DDAH1: variants seen among roughly 807,000 people sequenced by gnomAD.
The protein encoded by DDAH1 is N(G),N(G)-dimethylarginine dimethylaminohydrolase 1.
DDAH1 carries 19 observed loss-of-function variants against 28.8 expected under a neutral mutation model. The observed-to-expected ratio is 0.66, with a 90% CI of 0.46 to 0.97. The LOEUF is 0.97. DDAH1 is among the 50% of genes least tolerant of loss of function. The pLI, the probability that DDAH1 is intolerant of heterozygous loss-of-function variation, is 0.00. For missense variants in DDAH1, 326 were observed against 375.9 expected (o/e 0.87, Z 1.10); for synonymous variants, 153 against 154.4 (o/e 0.99, Z 0.07).
At chr1:85,509,923 T>C (rs758903342) in intron 1 of DDAH1, among the ~76,000 whole-genome samples, 3 of 152,130 alleles carry the variant, frequency 2.0e-5, no homozygotes, top group Admixed American at 6.5e-5. Flanking sequence ...CTTCAGGATA[T>C]TAACCAGGAG....
chr1:85,488,174 ACT>A (rs1355995712), intron 2 of DDAH1: 2 of 151,962 alleles, frequency 1.3e-5, no homozygotes, highest in African/African-American at 4.8e-5. Context: ...ACAGAACAAG[ACT>A]CTGTCTCAAA....
chr1:85,465,654 A>C (rs1655351848), upstream of DDAH1, among the ~76,000 whole-genome samples: 1 of 152,170 alleles, frequency 6.6e-6, no homozygotes, highest in South Asian at 2.1e-4. Flanking sequence ...TACCTAAAGT[A>C]CAAGTTTTTC....
chr1:85,503,101 A>G (rs1656878654), intron 1 of DDAH1, among the ~76,000 whole-genome samples: 2 of 152,154 alleles, frequency 1.3e-5, no homozygotes, highest in Admixed American at 1.3e-4. Context: ...AAAAAACCCC[A>G]ACAACCAAAT....
intron 3 of DDAH1, 78 bp downstream of exon 3, chr1:85,351,428 C>G: frequency 2.6e-6 from 3 of 1,140,438 alleles, no homozygotes; most frequent in Non-Finnish European, 4.0e-6. Context: ...CACCATTACT[C>G]ATGACATTGA....
intron 2 of DDAH1, among the ~76,000 whole-genome samples, chr1:85,353,397 T>G (rs1220367982): frequency 6.6e-6 from 1 of 152,132 alleles, no homozygotes; most frequent in Non-Finnish European, 1.5e-5. Flanking sequence ...TTATAAATAT[T>G]ATAACTTTAA....
intron 1 of DDAH1, 112 bp from the exon 2 acceptor site, chr1:85,358,959 CCACACTCATATA>C (rs1649638407): frequency 5.8e-6 from 4 of 689,124 alleles, no homozygotes; most frequent in Non-Finnish European, 1.0e-5. Context: ...CCACACACAT[CCACACTCATATA>C]CACACCCATC....
rs544511206 is a variant in DDAH1 at position 85,527,085 on chromosome 1, T to C, written c.-122-30804A>G. ...AAGACTTTGCTAAGGAGAACTTTGT[T>C]TAAATGTCTCTTTCCAAAGCAAATA... On this transcript the variant is annotated intron_variant, in intron 1 of 6. Coordinates refer to the DDAH1 transcript ENST00000426972. 1.9e-4 allele frequency among the ~76,000 whole-genome samples: 29 copies of C among 152,306 alleles called. 1 individual carries two copies. The South Asian group carries it at 5.6e-3, about 29-fold the overall frequency.
At chr1:85,407,897 TC>T (rs1557593459) in intron 1 of DDAH1, among the ~76,000 whole-genome samples, 1 of 152,200 alleles carries the variant, frequency 6.6e-6, no homozygotes, top group Non-Finnish European at 1.5e-5. Flanking sequence ...GTTACATCTA[TC>T]ATTTGTCTCC....
chr1:85,379,542 C>T, intron 1 of DDAH1: 10 of 970,702 alleles, frequency 1.0e-5, no homozygotes, highest in Non-Finnish European at 1.2e-5. Context: ...TTACCTTTAC[C>T]ATTTCTACAG....
At chr1:85,458,846 T>C (rs1655011322) in intron 1 of DDAH1, among the ~76,000 whole-genome samples, 1 of 152,150 alleles carries the variant, frequency 6.6e-6, no homozygotes, top group Non-Finnish European at 1.5e-5. Context: ...GAAACTTTTT[T>C]CTCTCTTATT....
At position 85,321,434 on chromosome 1, in the gene DDAH1, C is replaced by T. The variant is rs376128434; in HGVS notation, c.*18G>A. On this transcript the variant is annotated 3_prime_UTR_variant, in exon 6 of 6. Transcript: ENST00000284031. ...TTGCCTGTGCGGTCTTGCCGGCTAC[C>T]GGGGGGGACTCTGCAGCTCAGGAGT... 16 of 1,570,236 alleles carry T rather than the reference C, an allele frequency of 1.0e-5. No individual in the cohort carries two copies. Among genetic ancestry groups the T allele is most frequent in the African/African-American group, 5.4e-5 (4 of 74,016 alleles).
In DDAH1 at chr1:85,343,545, A is replaced by AATT. The variant is rs558261513; in HGVS notation, c.597+6867_597+6869dup. ...ATACAACAGCCAGATAGTAAGACAA[A>AATT]ATTAAACCTACAATGGGATTGTCAG... On this transcript the variant is annotated intron_variant, in intron 4 of 5. Coordinates refer to ENST00000284031, the MANE Select transcript of DDAH1 (RefSeq NM_012137.4). 4.6e-5 allele frequency among the ~76,000 whole-genome samples: 7 copies of AATT among 152,372 alleles called. No homozygotes were observed. In the South Asian group the frequency reaches 1.4e-3, roughly 32 times the overall value.
intron 1 of DDAH1, among the ~76,000 whole-genome samples, chr1:85,385,730 A>G (rs1030944157): frequency 5.9e-5 from 9 of 152,186 alleles, no homozygotes; most frequent in Non-Finnish European, 1.0e-4. Flanking sequence ...GCCTTAGTGC[A>G]TTTGCATTGT....
intron 1 of DDAH1, among the ~76,000 whole-genome samples, chr1:85,441,278 C>G (rs1487708137): frequency 3.3e-5 from 5 of 152,042 alleles, no homozygotes; most frequent in African/African-American, 1.2e-4. Context: ...TGTGGTGGCT[C>G]ACGCCTGTAA....
chr1:85,388,335 A>C (rs1651380061), intron 1 of DDAH1, among the ~76,000 whole-genome samples: 1 of 152,328 alleles, frequency 6.6e-6, no homozygotes, highest in East Asian at 1.9e-4. Context: ...CATTACTACT[A>C]TTGTTAAGAA....
chr1:85,324,800 G>C lies in DDAH1; in HGVS notation c.681C>G (p.Ile227Met), dbSNP rs141540525. Residue 227 changes from isoleucine to methionine, a missense_variant, in exon 5 of 6, where the codon ATC becomes ATG. Physicochemically the swap from Ile to Met is conservative, Grantham distance 10. Coordinates refer to ENST00000284031, the MANE Select transcript of DDAH1 (RefSeq NM_012137.4). ...GCAGCAAGACGTGCCCTTTGTTGGG[G>C]ATATTTAGATATATACAGTTTGCTG... is the stretch of plus-strand genomic sequence containing the variant. ...DIAANCIYLN[I>M]PNKGHVLLHR... The C allele has an allele frequency of 1.2e-6, 2 of 1,614,084 alleles. No homozygotes were observed. Among genetic ancestry groups the C allele is most frequent in the African/African-American group, 1.3e-5 (1 of 75,000 alleles).
At chr1:85,350,344 C>T in intron 4 of DDAH1, 71 bp downstream of exon 4, 1 of 1,565,964 alleles carries the variant, frequency 6.4e-7, no homozygotes. Context: ...ACTCCCCCAG[C>T]AGAGAGAATG....
chr1:85,414,287 G>C (rs1652788185), intron 1 of DDAH1, among the ~76,000 whole-genome samples: 1 of 152,094 alleles, frequency 6.6e-6, no homozygotes, highest in African/African-American at 2.4e-5. Flanking sequence ...CTCCATATAC[G>C]GTGTGGGTAA....
chr1:85,492,112 C>T (rs766566994), intron 2 of DDAH1, among the ~76,000 whole-genome samples: 10 of 152,066 alleles, frequency 6.6e-5, no homozygotes, highest in Admixed American at 5.9e-4. Context: ...AATGAAGTGA[C>T]CAAAATAATA....
Sources: allele counts gnomAD v4.1 joint callset (sites outside exome capture counted in the v4.1 genomes callset), GRCh38; gene constraint gnomAD v4.1.1; transcripts MANE v1.5; gene names NCBI Gene and HGNC (gene_info 2026-07-23, HGNC 2026-07-21).